Variants in EMC8 observed in about 807,000 individuals in gnomAD.
EMC8 encodes the protein ER membrane protein complex subunit 8, also known as COX4 neighbor.
EMC8 carries 11 observed loss-of-function variants against 24.3 expected under a neutral mutation model. The ratio of observed to expected loss-of-function variants is 0.45; its 90% CI spans 0.28 to 0.75. The LOEUF (loss-of-function observed/expected upper bound fraction) is 0.75, where lower values mean the gene tolerates loss of function less well. EMC8 is among the 30% of genes least tolerant of loss of function. EMC8 has a pLI of 0.12. For missense variants in EMC8, 277 were observed against 282.7 expected, an observed-to-expected ratio of 0.98 and a Z score of 0.14; for synonymous variants, 145 against 117.7, an observed-to-expected ratio of 1.23 and a Z score of -1.50.
chr16:85,799,056 C>T lies in EMC8; in HGVS notation c.231+9G>A, dbSNP rs1377137829. 8 of 1,528,562 alleles carry T rather than the reference C, an allele frequency of 5.2e-6. No individual in the cohort carries two copies. The highest frequency in any genetic ancestry group is 7.1e-6 in the Non-Finnish European group (8 of 1,129,604). The allele number at this position is 1,528,562 out of a possible 1,614,324, so 94.7% of individuals were successfully genotyped here. A position where few individuals can be genotyped will look rare whatever the true frequency, so the allele number is the denominator to read the frequency against. Reference sequence around the variant, plus strand: ...GCCTGCAAGGGGAAGGGGCCCTTTCCGCGCTTACCAGGGTGAGAGCCACCT... The same window carrying T: ...GCCTGCAAGGGGAAGGGGCCCTTTCTGCGCTTACCAGGGTGAGAGCCACCT... On this transcript the variant is annotated intron_variant, in intron 1 of 4. Coordinates refer to ENST00000253457, the MANE Select transcript of EMC8 (RefSeq NM_006067.5). The surrounding 1 kb of genome is among the most constrained non-coding windows in gnomAD (Gnocchi z 4.2).
At chr16:85,796,090 T>G (rs1905235686) in intron 1 of EMC8, among the ~76,000 whole-genome samples, 1 of 152,190 alleles carries the variant, frequency 6.6e-6, no homozygotes, top group South Asian at 2.1e-4. Flanking sequence ...GGCACACCAC[T>G]GGTTCTCAAT....
At position 85,799,029 on chromosome 16, in the gene EMC8, C is replaced by A; in HGVS notation, c.231+36G>T. The A allele has an allele frequency of 7.1e-7, 1 of 1,408,060 alleles. No individual in the cohort carries two copies. 87.2% of individuals were successfully genotyped at this position (1,408,060 alleles called of 1,614,324 possible). On this transcript the variant is annotated intron_variant, in intron 1 of 4. Transcript: ENST00000253457. This position sits in a 1 kb window ranked among gnomAD's most constrained non-coding sequence, Gnocchi z 4.2. ...CTCTGCTGACTGAGGGGAGGCCAGG[C>A]TGCCTGCAAGGGGAAGGGGCCCTTT...
chr16:85,781,036 C>T (rs191285082), intron 3 of EMC8, 175 bp downstream of exon 3: 29 of 594,700 alleles, frequency 4.9e-5, no homozygotes, highest in African/African-American at 4.8e-4. Flanking sequence ...AGCACAGAAG[C>T]CATGGCCTGG....
At chr16:85,783,540 T>G (rs1345495651) in intron 2 of EMC8, among the ~76,000 whole-genome samples, 3 of 152,206 alleles carry the variant, frequency 2.0e-5, no homozygotes, top group Non-Finnish European at 4.4e-5. Context: ...CGTCCCCTGG[T>G]GCTCACAGCC....
intron 2 of EMC8, among the ~76,000 whole-genome samples, chr16:85,787,223 T>TC (rs1904794996): frequency 1.3e-5 from 2 of 152,074 alleles, no homozygotes; most frequent in Middle Eastern, 3.4e-3. Flanking sequence ...GTGTCTGCTG[T>TC]CCCCCCAACC....
intron 1 of EMC8, chr16:85,792,782 A>G (rs958139736): frequency 2.0e-5 from 3 of 152,244 alleles, no homozygotes; most frequent in African/African-American, 7.2e-5. Context: ...CTTCCTCCGA[A>G]GCGAGGCAAG....
chr16:85,790,737 C>T (rs1597206350), intron 1 of EMC8, among the ~76,000 whole-genome samples: 1 of 152,198 alleles, frequency 6.6e-6, no homozygotes, highest in African/African-American at 2.4e-5. Flanking sequence ...CCCTGCTCTC[C>T]AGTGTAGCCT....
At chr16:85,783,421 G>A (rs1773827720) in intron 2 of EMC8, among the ~76,000 whole-genome samples, 1 of 152,202 alleles carries the variant, frequency 6.6e-6, no homozygotes, top group Non-Finnish European at 1.5e-5. Flanking sequence ...AGCCTCACAA[G>A]CAGCTGGGAC....
intron 4 of EMC8, 193 bp from the exon 5 acceptor site, chr16:85,780,060 C>T (rs1038577182): frequency 4.1e-5 from 25 of 606,566 alleles, no homozygotes; most frequent in Middle Eastern, 4.3e-4. Flanking sequence ...ATGGAAGGGA[C>T]GCCTTTCACG....
intron 2 of EMC8, among the ~76,000 whole-genome samples, chr16:85,782,991 C>T (rs1405724953): frequency 6.6e-6 from 1 of 152,196 alleles, no homozygotes; most frequent in Non-Finnish European, 1.5e-5. Context: ...GTCACTCGCT[C>T]GCTCTCTTTT....
At chr16:85,782,265 C>G (rs1904541965) in intron 2 of EMC8, among the ~76,000 whole-genome samples, 1 of 152,162 alleles carries the variant, frequency 6.6e-6, no homozygotes, top group African/African-American at 2.4e-5. Flanking sequence ...TGAGAAATTC[C>G]TCAGCCTTTC....
At chr16:85,782,129 C>T (rs1904534255) in intron 2 of EMC8, among the ~76,000 whole-genome samples, 1 of 152,218 alleles carries the variant, frequency 6.6e-6, no homozygotes. Flanking sequence ...TGCTGGGCAC[C>T]TGCCAGCTCC....
Position 85,799,185 on chromosome 16 carries a change from C to A in EMC8, c.111G>T (p.Pro37=). The A allele has an allele frequency of 1.2e-6, 2 of 1,612,826 alleles. No individual in the cohort carries two copies. The highest frequency in any genetic ancestry group is 1.7e-6 in the Non-Finnish European group (2 of 1,179,614). ...NGLLVAEKQK[P]RKEHLPLGGP... is the part of the protein sequence containing the mutation. ...CGCCCAGGGGGAGGTGCTCCTTACGCGGCTTCTGCTTCTCGGCCACCAGGA... is the reference window on the plus strand; with the variant it reads ...CGCCCAGGGGGAGGTGCTCCTTACGAGGCTTCTGCTTCTCGGCCACCAGGA... The change falls in exon 1 of 5, where the codon CCG becomes CCT. Residue 37 remains proline, a synonymous_variant. Transcript: ENST00000253457. This position sits in a 1 kb window ranked among gnomAD's most constrained non-coding sequence, Gnocchi z 4.2.
At chr16:85,798,825 G>C (rs879514298) in intron 1 of EMC8, 8 of 460,390 alleles carry the variant, frequency 1.7e-5, no homozygotes, top group African/African-American at 1.6e-4. Flanking sequence ...CGTATAACTC[G>C]TCGCCTTAAA....
At chr16:85,782,743 A>G (rs1904567185) in intron 2 of EMC8, among the ~76,000 whole-genome samples, 1 of 151,984 alleles carries the variant, frequency 6.6e-6, no homozygotes. Context: ...GATGGCCCCA[A>G]GACTGCTACC....
chr16:85,799,227 G>T lies in EMC8; in HGVS notation c.69C>A (p.His23Gln), dbSNP rs779293114. ...KMVLHGAKYPHCAVNGLLVAE... is the reference protein window; with the variant it reads ...KMVLHGAKYPQCAVNGLLVAE... ...CCACCAGGAGCCCGTTGACGGCGCAGTGCGGGTACTTGGCGCCGTGCAGCA... is the reference window on the plus strand; with the variant it reads ...CCACCAGGAGCCCGTTGACGGCGCATTGCGGGTACTTGGCGCCGTGCAGCA... Residue 23 changes from histidine (H) to glutamine (Q), a missense_variant, in exon 1 of 5, where the codon CAC becomes CAA. His to Gln is a conservative substitution (Grantham distance 24, BLOSUM62 0). Coordinates refer to ENST00000253457, the MANE Select transcript of EMC8 (RefSeq NM_006067.5). This position sits in a 1 kb window ranked among gnomAD's most constrained non-coding sequence, Gnocchi z 4.2. 2 of 1,613,280 alleles carry T rather than the reference G, an allele frequency of 1.2e-6. No individual in the cohort carries two copies. The highest frequency in any genetic ancestry group is 1.7e-6 in the Non-Finnish European group (2 of 1,179,900).
intron 1 of EMC8, chr16:85,798,499 C>G (rs1181032204): frequency 1.3e-5 from 2 of 152,340 alleles, no homozygotes; most frequent in Admixed American, 1.3e-4. Context: ...AACAAATTCT[C>G]TTTACACAAA....
Position 85,788,876 on chromosome 16 carries a change from C to A in EMC8, c.308+98G>T, listed in dbSNP as rs1012351531. 7 of 837,412 alleles carry A rather than the reference C, an allele frequency of 8.4e-6. No individual in the cohort carries two copies. In the East Asian group the frequency reaches 1.5e-4, roughly 17 times the overall value. The allele number at this position is 837,412 out of a possible 1,614,324, so 51.9% of individuals were successfully genotyped here. ...AAGCACAGAGGGAAGGGGTGTAGGT[C>A]TCACAGGTTTCGTATCTGGCCGAAA... On this transcript the variant is annotated intron_variant, in intron 2 of 4. Coordinates refer to ENST00000253457, the MANE Select transcript of EMC8 (RefSeq NM_006067.5).
At chr16:85,790,917 C>T (rs1178723543) in intron 1 of EMC8, among the ~76,000 whole-genome samples, 1 of 152,126 alleles carries the variant, frequency 6.6e-6, no homozygotes, top group Non-Finnish European at 1.5e-5. Context: ...GCCTTGAACT[C>T]CTGGGCTCAA....
Sources: allele counts gnomAD v4.1 joint callset (sites outside exome capture counted in the v4.1 genomes callset), GRCh38; gene constraint gnomAD v4.1.1; non-coding constraint Gnocchi (gnomAD v3.1); transcripts MANE v1.5; gene names NCBI Gene and HGNC (gene_info 2026-07-23, HGNC 2026-07-21).